Variants in SCN9A observed in about 807,000 individuals in gnomAD.
SCN9A encodes sodium voltage-gated channel alpha subunit 9, also known as sodium channel protein type 9 subunit alpha.
SCN9A carries 131 observed loss-of-function variants against 187.0 expected under a neutral mutation model. That is an observed-to-expected ratio of 0.70 (90% CI 0.61 to 0.81). The LOEUF (loss-of-function observed/expected upper bound fraction) is 0.81. SCN9A is among the 30% of genes least tolerant of loss of function. The pLI is 0.00. For missense variants in SCN9A, 2,252 were observed against 2,396.6 expected, an observed-to-expected ratio of 0.94 and a Z score of 1.26; for synonymous variants, 809 against 808.6, an observed-to-expected ratio of 1.00 and a Z score of -0.01.
chr2:166,369,585 G>A (rs1206969665), intron 1 of SCN9A, among the ~76,000 whole-genome samples: 3 of 152,002 alleles, frequency 2.0e-5, no homozygotes, highest in Non-Finnish European at 4.4e-5. Flanking sequence ...TTGTTAAGAG[G>A]GAAACAAATT....
chr2:166,328,434 C>G (rs1054239365), intron 1 of SCN9A, among the ~76,000 whole-genome samples: 2 of 151,882 alleles, frequency 1.3e-5, no homozygotes, highest in African/African-American at 4.8e-5. Context: ...TTGAAAGGTT[C>G]CAGTGTGTGT....
chr2:166,320,276 G>A (rs554312712), intron 1 of SCN9A, among the ~76,000 whole-genome samples: 1 of 152,124 alleles, frequency 6.6e-6, no homozygotes, highest in South Asian at 2.1e-4. Context: ...TGATTAAAAA[G>A]CTGTAAAATA....
chr2:166,295,049 G>A (rs2106507216), intron 7 of SCN9A, among the ~76,000 whole-genome samples: 1 of 152,240 alleles, frequency 6.6e-6, no homozygotes, highest in Admixed American at 6.5e-5. Flanking sequence ...AGTCAGGGAC[G>A]GTCTTTCTAA....
rs1288637616 is a variant in SCN9A at position 166,311,587 on chromosome 2, T to C, written c.170A>G (p.Lys57Arg). The change falls in exon 2 of 27, where the codon AAA (lysine) becomes AGA (arginine). Residue 57 changes from lysine (K) to arginine (R), a missense_variant. Coordinates refer to ENST00000642356, the MANE Select transcript of SCN9A (RefSeq NM_001365536.1). ...PKPSSDLEAG[K>R]QLPFIYGDIP... The stretch of plus-strand genomic sequence containing the variant: ...GTCCCCATAGATGAAGGGCAGCTGT[T>C]TGCCAGCTTCCAAGTCACTGCTTGG... 6.2e-7 allele frequency: 1 copy of C among 1,613,282 alleles called. No individual in the cohort carries two copies. Among genetic ancestry groups the C allele is most frequent in the African/African-American group, 1.3e-5 (1 of 74,752 alleles).
chr2:166,346,336 C>T (rs1172008289), intron 1 of SCN9A, among the ~76,000 whole-genome samples: 1 of 152,180 alleles, frequency 6.6e-6, no homozygotes, highest in Non-Finnish European at 1.5e-5. Flanking sequence ...TCTTCTCCCT[C>T]ATTAGTGAAC....
At position 166,242,553 on chromosome 2, in the gene SCN9A, A is replaced by T; in HGVS notation, c.3576T>A (p.Ser1192Arg). 2 of 1,591,436 alleles carry T rather than the reference A, an allele frequency of 1.3e-6. No homozygotes were observed. Among genetic ancestry groups the T allele is most frequent in the African/African-American group, 1.3e-5 (1 of 74,528 alleles). ...RKTCYKIVEH[S>R]WFESFIVLMI... ...TGAGGACAATGAAGCTTTCAAACCA[A>T]CTGTGTTCAACAATCTTGTAGCAGG... is the stretch of plus-strand genomic sequence containing the variant. The change falls in exon 19 of 27, where the codon AGT becomes AGA. Residue 1192 changes from serine to arginine, a missense_variant. This residue lies in a region of SCN9A where 313 missense variants were observed against 295.3 expected (regional missense o/e 1.06). Transcript: ENST00000642356.
chr2:166,280,460 T>C lies in SCN9A; in HGVS notation c.2240A>G (p.Asp747Gly). The C allele has an allele frequency of 6.3e-7, 1 of 1,587,924 alleles. No individual in the cohort carries two copies. The highest frequency in any genetic ancestry group is 8.6e-7 in the Non-Finnish European group (1 of 1,164,980). The change falls in exon 14 of 27, where the codon GAT (aspartate) becomes GGT (glycine). Residue 747 changes from aspartate to glycine, a missense_variant. Asp to Gly is a moderately conservative substitution (Grantham distance 94, BLOSUM62 -1). This residue lies in a region of SCN9A where 1,013 missense variants were observed against 997.4 expected (regional missense o/e 1.02). Coordinates refer to ENST00000642356, the MANE Select transcript of SCN9A (RefSeq NM_001365536.1). ...AACTATGCAAATGGTAATTGCAAGA[T>C]CTACAAAAGGATCCATTACAATAAA... ...IYFIVMDPFV[D>G]LAITICIVLN...
chr2:166,305,405 A>C (rs1479925357), intron 5 of SCN9A, among the ~76,000 whole-genome samples: 2 of 152,218 alleles, frequency 1.3e-5, no homozygotes, highest in Non-Finnish European at 2.9e-5. Flanking sequence ...AAATAATTGA[A>C]TAATACAGGG....
intron 10 of SCN9A, among the ~76,000 whole-genome samples, chr2:166,287,063 G>A (rs1697797090): frequency 6.6e-6 from 1 of 152,054 alleles, no homozygotes; most frequent in Non-Finnish European, 1.5e-5. Flanking sequence ...AATTATTAAA[G>A]CATAATATTG....
chr2:166,214,690 A>G (rs1163125681), intron 24 of SCN9A, among the ~76,000 whole-genome samples: 1 of 149,620 alleles, frequency 6.7e-6, no homozygotes, highest in Admixed American at 6.7e-5. Context: ...AATTTTTTGT[A>G]TTTTTAGTAG....
intron 16 of SCN9A, among the ~76,000 whole-genome samples, chr2:166,275,590 A>AG (rs1321024465): frequency 7.7e-6 from 1 of 130,186 alleles, no homozygotes; most frequent in Non-Finnish European, 1.7e-5. Context: ...TCTCAAAAAA[A>AG]AAAAAAATAC....
In SCN9A at chr2:166,281,706, C is replaced by T; in HGVS notation, c.2077G>A (p.Ala693Thr). ...PNLRQRAMSR[A>T]SILTNTVEEL... The stretch of plus-strand genomic sequence containing the variant: ...TCCACAGTGTTTGTTAATATGCTTG[C>T]TCTACTCATTGCTCTCTGTCTGAGG... The change falls in exon 13 of 27, where the codon GCA becomes ACA. Residue 693 changes from alanine (A) to threonine (T), a missense_variant. Ala to Thr is a moderately conservative substitution (Grantham distance 58). Transcript: ENST00000642356. The T allele has an allele frequency of 6.2e-7, 1 of 1,613,162 alleles. No homozygotes were observed. The highest frequency in any genetic ancestry group is 1.1e-5 in the South Asian group (1 of 91,056).
At chr2:166,224,917 T>G (rs1255841985) in intron 24 of SCN9A, among the ~76,000 whole-genome samples, 5 of 152,176 alleles carry the variant, frequency 3.3e-5, no homozygotes, top group African/African-American at 1.2e-4. Flanking sequence ...GTCTTTTAGA[T>G]TTGTTGTAAA....
chr2:166,259,470 G>A (rs1226004001), intron 17 of SCN9A, among the ~76,000 whole-genome samples: 1 of 151,722 alleles, frequency 6.6e-6, no homozygotes, highest in Non-Finnish European at 1.5e-5. Flanking sequence ...AAGATTAAAT[G>A]TCATTCAACA....
intron 18 of SCN9A, among the ~76,000 whole-genome samples, chr2:166,246,842 A>T (rs1695810955): frequency 6.6e-6 from 1 of 152,024 alleles, no homozygotes; most frequent in Non-Finnish European, 1.5e-5. Flanking sequence ...AAGTTTCATA[A>T]ATATTGCCCT....
intron 10 of SCN9A, 102 bp from the exon 11 acceptor site, chr2:166,286,725 T>A: frequency 1.3e-6 from 1 of 790,228 alleles, no homozygotes; most frequent in Non-Finnish European, 1.8e-6. Flanking sequence ...ACATGGTGCA[T>A]ATAATCATGT....
At chr2:166,304,182 C>T (rs1046762358) in intron 6 of SCN9A, 56 bp downstream of exon 6, 2 of 1,610,466 alleles carry the variant, frequency 1.2e-6, no homozygotes, top group Non-Finnish European at 1.7e-6. Context: ...CAAAGAACAA[C>T]TCCCAAATAG....
At chr2:166,353,880 T>C (rs1700095465) in intron 1 of SCN9A, among the ~76,000 whole-genome samples, 1 of 152,202 alleles carries the variant, frequency 6.6e-6, no homozygotes, top group South Asian at 2.1e-4. Flanking sequence ...GCATGTATTA[T>C]CACCAAGGTA....
chr2:166,278,152 T>C lies in SCN9A; in HGVS notation c.2505A>G (p.Arg835=). 6.2e-7 allele frequency: 1 copy of C among 1,612,664 alleles called. No individual in the cohort carries two copies. The highest frequency in any genetic ancestry group is 1.7e-5 in the Admixed American group (1 of 59,918). ...AGTTTATGTTTACCAGTCTGAATGA[T>C]CGCAGAACTGACAATCCTTCCACAT... ...LADVEGLSVL[R]SFRLLRVFKL... The change falls in exon 15 of 27, where the codon CGA becomes CGG. Residue 835 remains arginine, a synonymous_variant. Coordinates refer to ENST00000642356, the MANE Select transcript of SCN9A (RefSeq NM_001365536.1).
Sources: allele counts gnomAD v4.1 joint callset (sites outside exome capture counted in the v4.1 genomes callset), GRCh38; gene constraint gnomAD v4.1.1; regional missense constraint gnomAD v4.1.1; transcripts MANE v1.5; gene names NCBI Gene and HGNC (gene_info 2026-07-23, HGNC 2026-07-21).